Variants in SPATA16 observed in about 807,000 individuals in gnomAD.
SPATA16 encodes spermatogenesis associated 16, also known as spermatogenesis-associated protein 16.
In SPATA16, 36 loss-of-function variants were observed where a neutral mutation model predicts 63.3. That is an observed-to-expected ratio of 0.57 (90% CI 0.44 to 0.75). SPATA16 has a LOEUF of 0.75. Ranked by LOEUF, SPATA16 falls within the 30% of genes least tolerant of loss-of-function variation. The pLI, the probability that SPATA16 is intolerant of heterozygous loss-of-function variation, is 0.00. For missense variants in SPATA16, 646 were observed against 679.3 expected (o/e 0.95, Z 0.54); for synonymous variants, 203 against 216.7 (o/e 0.94, Z 0.56).
intron 4 of SPATA16, among the ~76,000 whole-genome samples, chr3:172,999,523 C>T (rs1254838048): frequency 1.3e-5 from 2 of 152,130 alleles, no homozygotes; most frequent in African/African-American, 4.8e-5. Context: ...AAGTGATTCT[C>T]CTGCCTCAGC....
chr3:173,089,393 G>A (rs1737164946), intron 2 of SPATA16, among the ~76,000 whole-genome samples: 1 of 152,184 alleles, frequency 6.6e-6, no homozygotes, highest in African/African-American at 2.4e-5. Context: ...ATCTGAGGAT[G>A]GCTGAGGAAA....
intron 1 of SPATA16, among the ~76,000 whole-genome samples, chr3:173,136,336 A>G (rs772786257): frequency 7.2e-5 from 11 of 152,032 alleles, no homozygotes; most frequent in Non-Finnish European, 8.8e-5. Context: ...TTTTTATGCT[A>G]TCTTTTTAAA....
At chr3:173,064,075 G>C (rs1736454056) in intron 2 of SPATA16, among the ~76,000 whole-genome samples, 1 of 152,256 alleles carries the variant, frequency 6.6e-6, no homozygotes, top group Admixed American at 6.5e-5. Context: ...GGAGGCTGAG[G>C]CAGGCAGATC....
intron 4 of SPATA16, among the ~76,000 whole-genome samples, chr3:172,997,011 C>G (rs1460482709): frequency 6.6e-6 from 1 of 152,012 alleles, no homozygotes; most frequent in Non-Finnish European, 1.5e-5. Flanking sequence ...CTAGATGTTC[C>G]AAGAAGTTCA....
At chr3:173,105,415 A>C (rs1286089248) in intron 2 of SPATA16, among the ~76,000 whole-genome samples, 2 of 152,198 alleles carry the variant, frequency 1.3e-5, no homozygotes, top group Non-Finnish European at 2.9e-5. Flanking sequence ...TGCTACTTCT[A>C]GAAACTCTGT....
At chr3:173,032,234 T>C (rs1397229658) in intron 3 of SPATA16, among the ~76,000 whole-genome samples, 1 of 152,126 alleles carries the variant, frequency 6.6e-6, no homozygotes, top group African/African-American at 2.4e-5. Context: ...GTGAAAAATA[T>C]TAAATTATTG....
intron 5 of SPATA16, among the ~76,000 whole-genome samples, chr3:172,958,681 G>C (rs1055932038): frequency 1.1e-4 from 16 of 152,206 alleles, no homozygotes; most frequent in African/African-American, 3.9e-4. Context: ...GTCCAAGACA[G>C]TGGTGTCAGC....
chr3:172,952,855 G>T (rs1020543071), intron 6 of SPATA16, among the ~76,000 whole-genome samples: 1 of 147,540 alleles, frequency 6.8e-6, no homozygotes. Context: ...CAGGAGAATC[G>T]CTTGAACCCG....
chr3:172,962,405 T>G (rs1733811352), intron 5 of SPATA16, among the ~76,000 whole-genome samples: 1 of 152,108 alleles, frequency 6.6e-6, no homozygotes, highest in African/African-American at 2.4e-5. Flanking sequence ...CAAATTATTT[T>G]TCTATTGTTT....
intron 2 of SPATA16, among the ~76,000 whole-genome samples, chr3:173,050,171 T>A (rs1471911153): frequency 6.6e-6 from 1 of 152,192 alleles, no homozygotes; most frequent in Non-Finnish European, 1.5e-5. Context: ...AATGCTATTG[T>A]CATTTTTTAA....
chr3:172,898,909 AT>A (rs985079566), intron 10 of SPATA16, among the ~76,000 whole-genome samples: 55 of 151,192 alleles, frequency 3.6e-4, no homozygotes, highest in Non-Finnish European at 6.8e-4. Context: ...ATATATTTTC[AT>A]TTTTTTTAGT....
chr3:173,030,076 ATC>A (rs1735566717), intron 3 of SPATA16, among the ~76,000 whole-genome samples: 1 of 151,006 alleles, frequency 6.6e-6, no homozygotes, highest in Non-Finnish European at 1.5e-5. Context: ...CTATCTATCT[ATC>A]TATCTATCTA....
chr3:173,056,184 CTGT>C (rs1471229824), intron 2 of SPATA16, among the ~76,000 whole-genome samples: 1 of 152,110 alleles, frequency 6.6e-6, no homozygotes, highest in Non-Finnish European at 1.5e-5. Flanking sequence ...ATCATTATGT[CTGT>C]TGTTTTAGGA....
chr3:172,910,769 C>T (rs977680852), intron 10 of SPATA16, among the ~76,000 whole-genome samples: 1 of 152,136 alleles, frequency 6.6e-6, no homozygotes, highest in Non-Finnish European at 1.5e-5. Context: ...TCTCTCCTTA[C>T]TCTATTATAC....
intron 2 of SPATA16, among the ~76,000 whole-genome samples, chr3:173,049,350 G>T (rs1389694525): frequency 1.3e-5 from 2 of 152,052 alleles, no homozygotes; most frequent in Non-Finnish European, 2.9e-5. Context: ...GGGACACATT[G>T]TACTGTAAAA....
At chr3:172,934,844 A>G (rs7431678) in intron 6 of SPATA16, among the ~76,000 whole-genome samples, 12,693 of 152,184 alleles carry the variant, frequency 0.083, 632 homozygotes, top group Admixed American at 0.14. Context: ...TAGATATTAG[A>G]TATTGCTATC....
At chr3:172,984,347 A>G (rs116309452) in intron 4 of SPATA16, among the ~76,000 whole-genome samples, 2 of 152,300 alleles carry the variant, frequency 1.3e-5, no homozygotes, top group African/African-American at 4.8e-5. Flanking sequence ...TAAATTTTTA[A>G]TAAACACTTT....
chr3:172,914,971 A>G (rs1236573026), intron 9 of SPATA16, among the ~76,000 whole-genome samples: 1 of 151,944 alleles, frequency 6.6e-6, no homozygotes, highest in Non-Finnish European at 1.5e-5. Flanking sequence ...TGTGCTTTTC[A>G]GGAAGACAGG....
rs957163000 is a variant in SPATA16, at chr3:173,109,120, T to A, written c.612+8000A>T. ...ATTGAAAATTCTCCTACTAAACCCC[T>A]CTTCCATACTCTACTACCATCTAAG... On this transcript the variant is annotated intron_variant, in intron 2 of 10. Coordinates refer to ENST00000351008, the MANE Select transcript of SPATA16 (RefSeq NM_031955.6). 2.6e-5 allele frequency among the ~76,000 whole-genome samples: 4 copies of A among 152,280 alleles called. No individual in the cohort carries two copies. In the South Asian group the frequency reaches 8.3e-4, roughly 32 times the overall value.
Sources: gnomAD v4.1 joint callset for allele counts (sites outside exome capture counted in the v4.1 genomes callset) on GRCh38, gnomAD v4.1.1 for gene constraint, MANE v1.5 for transcripts, NCBI Gene and HGNC (gene_info 2026-07-23, HGNC 2026-07-21) for gene names.